The following CCDC146 variants were observed in gnomAD, a reference collection of about 807,000 sequenced individuals.
The protein encoded by CCDC146 is coiled-coil domain containing 146.
In CCDC146, 92 loss-of-function variants were observed where a neutral mutation model predicts 119.3. The observed-to-expected ratio is 0.77, with a 90% CI of 0.65 to 0.92. The LOEUF (loss-of-function observed/expected upper bound fraction) is 0.92. CCDC146 is among the 40% of genes least tolerant of loss of function. The pLI is 0.00. For synonymous variants in CCDC146, 372 were observed against 371.8 expected, an observed-to-expected ratio of 1.00 and a Z score of -0.01; for missense variants, 1,000 against 1,103.0, an observed-to-expected ratio of 0.91 and a Z score of 1.32.
chr7:77,250,889 T>C (rs967648417), intron 4 of CCDC146, among the ~76,000 whole-genome samples: 1 of 150,888 alleles, frequency 6.6e-6, no homozygotes, highest in Non-Finnish European at 1.5e-5. Flanking sequence ...GCTCAGAGAT[T>C]CCTTCCTCAG....
chr7:77,239,131 CATGTTTT>C (rs1359883296), intron 3 of CCDC146, among the ~76,000 whole-genome samples: 1 of 152,158 alleles, frequency 6.6e-6, no homozygotes, highest in Non-Finnish European at 1.5e-5. Context: ...CTACTGGTAT[CATGTTTT>C]AAATACATGT....
rs1200937060 is a variant in CCDC146, at chr7:77,153,197, G to A, written c.-11-14461G>A. ...GGCTAACAGAAATCAGTGGTGGGAA[G>A]CAGTGATAGTCCATATTTCATGGAG... On this transcript the variant is annotated intron_variant, in intron 1 of 18. Transcript: ENST00000285871. Among the ~76,000 whole-genome samples the A allele has an allele frequency of 5.3e-5, 8 of 152,316 alleles. No individual in the cohort carries two copies. In the East Asian group the frequency reaches 1.4e-3, roughly 26 times the overall value.
chr7:77,134,563 CTGTGTGTGTGTGTGTGTGTG>C (rs1554345524), intron 1 of CCDC146, among the ~76,000 whole-genome samples: 1 of 139,310 alleles, frequency 7.2e-6, no homozygotes, highest in East Asian at 2.0e-4. Flanking sequence ...GTGTGTGTGT[CTGTGTGTGTGTGTGTGTGTG>C]TGTGTGTGTG....
intron 4 of CCDC146, among the ~76,000 whole-genome samples, chr7:77,243,165 A>T (rs1361382053): frequency 6.6e-6 from 1 of 152,230 alleles, no homozygotes; most frequent in African/African-American, 2.4e-5. Flanking sequence ...GTCAGTTGAT[A>T]TTTAAATTGT....
At chr7:77,136,910 A>G (rs1191824653) in intron 1 of CCDC146, among the ~76,000 whole-genome samples, 1 of 152,214 alleles carries the variant, frequency 6.6e-6, no homozygotes, top group Non-Finnish European at 1.5e-5. Context: ...ACCACTACCA[A>G]ATGGGATTTG....
chr7:77,264,569 G>A (rs1218907813), intron 9 of CCDC146, among the ~76,000 whole-genome samples: 1 of 152,070 alleles, frequency 6.6e-6, no homozygotes, highest in Non-Finnish European at 1.5e-5. Context: ...CCTATTTACC[G>A]TCACTCTTTC....
chr7:77,271,527 T>G (rs1393145462), intron 9 of CCDC146, among the ~76,000 whole-genome samples: 3 of 2,186 alleles, frequency 1.4e-3, no homozygotes, highest in African/African-American at 2.4e-3. Context: ...TATATATATA[T>G]ATATATATAT....
At chr7:77,216,884 G>T (rs1171060052) in intron 2 of CCDC146, among the ~76,000 whole-genome samples, 2 of 152,132 alleles carry the variant, frequency 1.3e-5, no homozygotes, top group African/African-American at 4.8e-5. Context: ...CATGTTAACT[G>T]AATGTTTCCT....
intron 4 of CCDC146, among the ~76,000 whole-genome samples, chr7:77,253,845 T>C (rs1793126209): frequency 6.6e-6 from 1 of 152,176 alleles, no homozygotes; most frequent in African/African-American, 2.4e-5. Context: ...CAAAGATCTG[T>C]GGCGAGAGCA....
Position 77,136,118 on chromosome 7 carries a change from C to T in CCDC146, c.-12+13386C>T, listed in dbSNP as rs117448709. Among the ~76,000 whole-genome samples, 1,512 of 152,230 alleles carry T rather than the reference C, an allele frequency of 9.9e-3. 11 individuals are homozygous for T. Among genetic ancestry groups the T allele is most frequent in the South Asian group, 0.02 (96 of 4,824 alleles). ...AATGAAGGTGAAAACAACGTATCAA[C>T]GTTTGTGGAATGCAGTGAAAGCAGT... On this transcript the variant is annotated intron_variant, in intron 1 of 18. Transcript: ENST00000285871.
rs902726368 is a variant in CCDC146, at chr7:77,259,059, G to A, written c.749G>A (p.Arg250His). 2.5e-6 allele frequency: 4 copies of A among 1,595,740 alleles called. No individual in the cohort carries two copies. The highest frequency in any genetic ancestry group is 1.3e-5 in the African/African-American group (1 of 74,478). ...QIGKEIEKITRKKVEMEKKKI... is the reference protein window; with the variant it reads ...QIGKEIEKITHKKVEMEKKKI... ...GGAAAAGAGATAGAAAAAATAACAC[G>A]CAAAAAAGTGTATGATTTAATATTT... The change falls in exon 7 of 19, where the codon CGC becomes CAC. Residue 250 changes from arginine to histidine, a missense_variant. Physicochemically the swap from Arg to His is conservative, Grantham distance 29 (BLOSUM62 0). Transcript: ENST00000285871.
chr7:77,137,933 C>G (rs1251813437), intron 1 of CCDC146, among the ~76,000 whole-genome samples: 1 of 150,908 alleles, frequency 6.6e-6, no homozygotes, highest in Non-Finnish European at 1.5e-5. Flanking sequence ...GCTTAAATAA[C>G]AGAAATTTAT....
At chr7:77,127,347 G>A (rs947399435) in intron 1 of CCDC146, among the ~76,000 whole-genome samples, 1 of 152,084 alleles carries the variant, frequency 6.6e-6, no homozygotes, top group African/African-American at 2.4e-5. Context: ...CAGTTTGGGC[G>A]GCTGTAGCAC....
Position 77,259,092 on chromosome 7 carries a change from G to C in CCDC146, c.758+24G>C, listed in dbSNP as rs376184090. The C allele has an allele frequency of 2.3e-4, 330 of 1,410,172 alleles. 2 individuals carry two copies. Among genetic ancestry groups the C allele is most frequent in the Non-Finnish European group, 5.2e-5 (52 of 1,000,948 alleles). 87.4% of individuals were successfully genotyped at this position (1,410,172 alleles called of 1,614,324 possible). ...GTGTATGATTTAATATTTTTACTTT[G>C]AATCCCTGCCAGTCCAAGTTATGTG... On this transcript the variant is annotated intron_variant, in intron 7 of 18. Coordinates refer to ENST00000285871, the MANE Select transcript of CCDC146 (RefSeq NM_020879.3).
At chr7:77,267,420 T>A (rs1249602714) in intron 9 of CCDC146, among the ~76,000 whole-genome samples, 1 of 152,174 alleles carries the variant, frequency 6.6e-6, no homozygotes, top group Admixed American at 6.5e-5. Flanking sequence ...CAAGTCATCT[T>A]CCTAATCAAG....
At chr7:77,277,021 G>C (rs558763305) in intron 11 of CCDC146, among the ~76,000 whole-genome samples, 1 of 152,234 alleles carries the variant, frequency 6.6e-6, no homozygotes, top group East Asian at 1.9e-4. Context: ...GCAGTGAGCT[G>C]AGATTGCGCC....
intron 1 of CCDC146, among the ~76,000 whole-genome samples, chr7:77,130,234 T>C (rs909064380): frequency 1.3e-5 from 2 of 152,092 alleles, no homozygotes; most frequent in Non-Finnish European, 2.9e-5. Context: ...AGTGCCTGTA[T>C]AGGATATATA....
chr7:77,273,956 C>A (rs1175838022), intron 10 of CCDC146, among the ~76,000 whole-genome samples, 167 bp downstream of exon 10: 2 of 152,150 alleles, frequency 1.3e-5, no homozygotes, highest in East Asian at 3.8e-4. Context: ...CAATCCTACA[C>A]TAAATTTGAG....
chr7:77,277,347 G>A lies in CCDC146; in HGVS notation c.1441-1405G>A, dbSNP rs1212364658. Among the ~76,000 whole-genome samples, 3 of 152,136 alleles carry A rather than the reference G, an allele frequency of 2.0e-5. No homozygotes were observed. The East Asian group carries it at 5.8e-4, about 29-fold the overall frequency. Reference sequence around the variant, plus strand: ...ATTAATTTCAAAAACTGATATACATGTATATCTATGTGTGACTAATCTATG... The same window carrying A: ...ATTAATTTCAAAAACTGATATACATATATATCTATGTGTGACTAATCTATG... On this transcript the variant is annotated intron_variant, in intron 11 of 18. Coordinates refer to ENST00000285871, the MANE Select transcript of CCDC146 (RefSeq NM_020879.3).
Sources: gnomAD v4.1 joint callset for allele counts (sites outside exome capture counted in the v4.1 genomes callset) on GRCh38, gnomAD v4.1.1 for gene constraint, MANE v1.5 for transcripts, NCBI Gene and HGNC (gene_info 2026-07-23, HGNC 2026-07-21) for gene names.